Variants in EPHA6 observed in about 807,000 individuals in gnomAD.
EPHA6 encodes the protein EPH receptor A6.
A neutral mutation model predicts 112.0 loss-of-function variants in EPHA6; 50 were observed. The observed-to-expected ratio is 0.45, with a 90% CI of 0.36 to 0.56. The LOEUF (loss-of-function observed/expected upper bound fraction) is 0.56, where lower values mean the gene tolerates loss of function less well. Among genes scored for constraint, EPHA6 ranks in the 20% least tolerant of loss-of-function variants. EPHA6 has a pLI of 0.00. For missense variants in EPHA6, 1,280 were observed against 1,417.4 expected (o/e 0.90, Z 1.56); for synonymous variants, 529 against 490.7 (o/e 1.08, Z -1.03).
intron 14 of EPHA6, among the ~76,000 whole-genome samples, chr3:97,662,300 A>C (rs1271477423): frequency 6.6e-6 from 1 of 152,216 alleles, no homozygotes; most frequent in Non-Finnish European, 1.5e-5. Context: ...GACAATGAAG[A>C]TGAAACACGT....
intron 3 of EPHA6, among the ~76,000 whole-genome samples, chr3:97,033,363 A>C (rs2044952498): frequency 6.6e-6 from 1 of 152,000 alleles, no homozygotes; most frequent in African/African-American, 2.4e-5. Context: ...AAATTTCCAA[A>C]CTAATTTTAG....
At chr3:97,282,881 G>A (rs905632153) in intron 5 of EPHA6, among the ~76,000 whole-genome samples, 8 of 152,160 alleles carry the variant, frequency 5.3e-5, no homozygotes, top group African/African-American at 1.9e-4. Context: ...GCTAATGCAT[G>A]CAGGGCTTAA....
intron 5 of EPHA6, among the ~76,000 whole-genome samples, chr3:97,318,797 A>G (rs1335724225): frequency 6.6e-6 from 1 of 151,992 alleles, no homozygotes; most frequent in African/African-American, 2.4e-5. Context: ...TTAACCAGCA[A>G]AATTGAGTAA....
At chr3:97,438,363 C>T (rs879512273) in intron 6 of EPHA6, among the ~76,000 whole-genome samples, 16 of 152,004 alleles carry the variant, frequency 1.1e-4, no homozygotes, top group South Asian at 2.1e-4. Context: ...CACAATGTTC[C>T]TAAGAAAACA....
intron 7 of EPHA6, among the ~76,000 whole-genome samples, chr3:97,457,455 A>C (rs1159337961): frequency 1.3e-5 from 2 of 152,150 alleles, no homozygotes; most frequent in Non-Finnish European, 2.9e-5. Context: ...AGCTGAAAAA[A>C]AATCTGAGAA....
At chr3:97,581,669 G>GAGGCT (rs2093439486) in intron 11 of EPHA6, among the ~76,000 whole-genome samples, 1 of 152,226 alleles carries the variant, frequency 6.6e-6, no homozygotes, top group Non-Finnish European at 1.5e-5. Context: ...AATGAGAACT[G>GAGGCT]AGGCTCGGGG....
At chr3:97,001,906 C>T (rs1020857691) in intron 3 of EPHA6, among the ~76,000 whole-genome samples, 2 of 151,988 alleles carry the variant, frequency 1.3e-5, no homozygotes, top group African/African-American at 4.8e-5. Context: ...AAGTGACTGC[C>T]ATAAAAAGTG....
intron 7 of EPHA6, among the ~76,000 whole-genome samples, chr3:97,459,292 A>G (rs2090805097): frequency 1.3e-5 from 2 of 152,192 alleles, no homozygotes; most frequent in South Asian, 4.1e-4. Context: ...CTGGGAACCC[A>G]CCAGAAATGC....
At chr3:97,083,187 T>A (rs2046778856) in intron 3 of EPHA6, among the ~76,000 whole-genome samples, 1 of 151,996 alleles carries the variant, frequency 6.6e-6, no homozygotes, top group South Asian at 2.1e-4. Flanking sequence ...TCACTTTTCC[T>A]GCCCCTGCCA....
chr3:97,201,241 A>G (rs990605639), intron 3 of EPHA6, among the ~76,000 whole-genome samples: 1 of 152,126 alleles, frequency 6.6e-6, no homozygotes, highest in Non-Finnish European at 1.5e-5. Flanking sequence ...CAGTTTCTCT[A>G]ACGTGTCTTA....
At chr3:97,082,696 T>C (rs1249492661) in intron 3 of EPHA6, among the ~76,000 whole-genome samples, 2 of 151,908 alleles carry the variant, frequency 1.3e-5, no homozygotes, top group African/African-American at 4.8e-5. Flanking sequence ...CTTAGAAGAA[T>C]CAGTGATATG....
intron 3 of EPHA6, among the ~76,000 whole-genome samples, chr3:97,133,343 C>A (rs1576546219): frequency 6.6e-6 from 1 of 152,090 alleles, no homozygotes; most frequent in East Asian, 1.9e-4. Flanking sequence ...CAATTAAAAA[C>A]CATTGAAATT....
intron 14 of EPHA6, among the ~76,000 whole-genome samples, chr3:97,660,685 T>C (rs190087014): frequency 1.7e-3 from 266 of 152,210 alleles, no homozygotes; most frequent in African/African-American, 6.0e-3. Context: ...AGTACAGACA[T>C]TGACAGGTGA....
intron 3 of EPHA6, among the ~76,000 whole-genome samples, chr3:97,051,631 A>T (rs1479073483): frequency 6.6e-6 from 1 of 152,110 alleles, no homozygotes; most frequent in Non-Finnish European, 1.5e-5. Context: ...AACTCATTTG[A>T]TGTTAGATAT....
intron 2 of EPHA6, among the ~76,000 whole-genome samples, chr3:96,965,240 A>T (rs554827860): frequency 6.6e-6 from 1 of 152,270 alleles, no homozygotes; most frequent in South Asian, 2.1e-4. Flanking sequence ...CAGTTCATCT[A>T]CAAGGACTCA....
At chr3:97,290,703 A>G (rs1460693474) in intron 5 of EPHA6, among the ~76,000 whole-genome samples, 1 of 151,692 alleles carries the variant, frequency 6.6e-6, no homozygotes, top group Non-Finnish European at 1.5e-5. Flanking sequence ...GATCTTTTGT[A>G]TTTCTGAGGT....
intron 3 of EPHA6, among the ~76,000 whole-genome samples, chr3:97,044,209 AT>A (rs1162971084): frequency 6.6e-6 from 1 of 152,140 alleles, no homozygotes; most frequent in Non-Finnish European, 1.5e-5. Context: ...AGATTTAGGC[AT>A]TTTTTTCTTC....
chr3:97,429,362 T>A (rs924270759), intron 6 of EPHA6, among the ~76,000 whole-genome samples: 12 of 152,252 alleles, frequency 7.9e-5, no homozygotes, highest in Admixed American at 5.2e-4. Context: ...TAATCCCCGG[T>A]GGCAGAGTGA....
chr3:97,665,423 G>A (rs1393866621), intron 14 of EPHA6, among the ~76,000 whole-genome samples: 1 of 152,164 alleles, frequency 6.6e-6, no homozygotes, highest in Non-Finnish European at 1.5e-5. Context: ...AGGACTTCAT[G>A]TCAAAATAGT....
Sources: gnomAD v4.1 joint callset for allele counts (sites outside exome capture counted in the v4.1 genomes callset) on GRCh38, gnomAD v4.1.1 for gene constraint, MANE v1.5 for transcripts, NCBI Gene and HGNC (gene_info 2026-07-23, HGNC 2026-07-21) for gene names.